PPP2R2B: variants seen among roughly 807,000 people sequenced by gnomAD.
PPP2R2B encodes the protein serine/threonine-protein phosphatase 2A 55 kDa regulatory subunit B beta isoform.
PPP2R2B carries 5 observed loss-of-function variants against 46.0 expected under a neutral mutation model. The observed-to-expected ratio is 0.11, with a 90% confidence interval of 0.06 to 0.23. The LOEUF is 0.23. PPP2R2B is among the 10% of genes least tolerant of loss of function. PPP2R2B has a pLI of 1.00. For missense variants in PPP2R2B, 367 were observed against 575.0 expected (o/e 0.64, Z 3.70); for synonymous variants, 215 against 206.7 (o/e 1.04, Z -0.34).
chr5:146,822,579 C>T (rs1758334085), intron 2 of PPP2R2B, among the ~76,000 whole-genome samples: 1 of 139,212 alleles, frequency 7.2e-6, no homozygotes, highest in South Asian at 2.5e-4. Flanking sequence ...GTCAAGAATA[C>T]TTCTCCATCT....
intron 3 of PPP2R2B, among the ~76,000 whole-genome samples, chr5:146,700,831 C>T (rs759328070): frequency 3.3e-5 from 5 of 152,068 alleles, no homozygotes; most frequent in South Asian, 2.1e-4. Flanking sequence ...AACATCCAGG[C>T]GTAGAAAGAT....
intron 1 of PPP2R2B, among the ~76,000 whole-genome samples, chr5:146,985,031 T>C (rs1362248598): frequency 6.9e-6 from 1 of 145,644 alleles, no homozygotes; most frequent in Non-Finnish European, 1.5e-5. Flanking sequence ...TTTTTTTTTT[T>C]TTTTTTTGAG....
intron 1 of PPP2R2B, chr5:147,040,864 C>T: frequency 2.4e-6 from 1 of 422,586 alleles, no homozygotes; most frequent in Non-Finnish European, 4.6e-6. Flanking sequence ...CTCCCTCAGC[C>T]ATTTAAAAAT....
At chr5:147,027,810 T>C (rs1295560969) in intron 1 of PPP2R2B, among the ~76,000 whole-genome samples, 4 of 152,172 alleles carry the variant, frequency 2.6e-5, no homozygotes. Context: ...GTGCATTTTA[T>C]TGCATATAAA....
At chr5:147,002,624 A>G (rs1754230964) in intron 1 of PPP2R2B, among the ~76,000 whole-genome samples, 1 of 150,684 alleles carries the variant, frequency 6.6e-6, no homozygotes, top group Non-Finnish European at 1.5e-5. Flanking sequence ...TGCATCAGTA[A>G]GGGCCACTAA....
chr5:146,857,285 CTA>C (rs1338901902), intron 2 of PPP2R2B, among the ~76,000 whole-genome samples: 1 of 151,732 alleles, frequency 6.6e-6, no homozygotes, highest in East Asian at 1.9e-4. Context: ...CTACGAGAAA[CTA>C]TGAAAAAGGT....
intron 2 of PPP2R2B, among the ~76,000 whole-genome samples, chr5:146,801,853 A>T (rs148739044): frequency 1.3e-5 from 2 of 152,364 alleles, no homozygotes; most frequent in African/African-American, 4.8e-5. Context: ...TATAATTGCA[A>T]TAACAACTTC....
intron 4 of PPP2R2B, 125 bp from the exon 5 acceptor site, chr5:146,691,365 C>G: frequency 1.4e-6 from 1 of 704,014 alleles, no homozygotes; most frequent in Non-Finnish European, 2.4e-6. Context: ...AGCTGGCTCA[C>G]ATAAACGTTT....
At chr5:146,923,830 T>C (rs1763691300) in intron 1 of PPP2R2B, among the ~76,000 whole-genome samples, 1 of 152,182 alleles carries the variant, frequency 6.6e-6, no homozygotes, top group South Asian at 2.1e-4. Context: ...CAAAGGCCCA[T>C]CAGTGATAGA....
intron 5 of PPP2R2B, among the ~76,000 whole-genome samples, chr5:146,658,586 T>A (rs1776489034): frequency 6.6e-6 from 1 of 152,174 alleles, no homozygotes; most frequent in Non-Finnish European, 1.5e-5. Flanking sequence ...AAGAACTATG[T>A]GAAAAAGTTT....
rs190905613 is a variant in PPP2R2B, at chr5:146,950,861, C to T, written c.79+104804G>A. Among the ~76,000 whole-genome samples, 11 of 152,110 alleles carry T rather than the reference C, an allele frequency of 7.2e-5. No individual in the cohort carries two copies. The East Asian group carries it at 1.9e-3, about 27-fold the overall frequency. On this transcript the variant is annotated intron_variant, in intron 1 of 8. Transcript: ENST00000336640. ...ACAAACAACATAGGTATGCCATTTA[C>T]CAGGTAATTAACAGATATATAAGAA... is the stretch of plus-strand genomic sequence containing the variant.
chr5:147,019,800 G>C (rs1182958029), intron 1 of PPP2R2B, among the ~76,000 whole-genome samples: 1 of 152,132 alleles, frequency 6.6e-6, no homozygotes, highest in African/African-American at 2.4e-5. Flanking sequence ...ACTTAAAGAT[G>C]ATTTAAAATA....
chr5:147,031,719 A>G (rs1297814679), intron 1 of PPP2R2B, among the ~76,000 whole-genome samples: 1 of 152,210 alleles, frequency 6.6e-6, no homozygotes, highest in Non-Finnish European at 1.5e-5. Flanking sequence ...ATGGAAAAGA[A>G]TAAAGAACCA....
intron 2 of PPP2R2B, among the ~76,000 whole-genome samples, chr5:146,798,624 G>A (rs1172270137): frequency 6.6e-6 from 1 of 152,116 alleles, no homozygotes; most frequent in Non-Finnish European, 1.5e-5. Flanking sequence ...TAATCTAACA[G>A]TGCATTAACA....
intron 2 of PPP2R2B, among the ~76,000 whole-genome samples, chr5:146,845,430 C>T (rs1431147349): frequency 6.7e-6 from 1 of 150,208 alleles, no homozygotes; most frequent in African/African-American, 2.5e-5. Context: ...TTTTTTTGCA[C>T]TTTTAGTAGA....
intron 2 of PPP2R2B, among the ~76,000 whole-genome samples, chr5:146,731,424 G>T (rs1322141045): frequency 6.6e-6 from 1 of 152,184 alleles, no homozygotes; most frequent in Non-Finnish European, 1.5e-5. Context: ...TTTTGCAAGA[G>T]ACCTTAACTA....
rs994323947 is a variant in PPP2R2B, at chr5:146,589,549, A to G, written c.*398T>C. On this transcript the variant is annotated 3_prime_UTR_variant, in exon 10 of 10. Coordinates refer to ENST00000394411, the MANE Select transcript of PPP2R2B (RefSeq NM_181675.4). ...GTTTATTTTTTGTTGATTTTTTTCAATCAAATGGAATTGCTTAATTAAAAA... is the reference window on the plus strand; with the variant it reads ...GTTTATTTTTTGTTGATTTTTTTCAGTCAAATGGAATTGCTTAATTAAAAA... 1.9e-5 allele frequency: 3 copies of G among 162,020 alleles called. No homozygotes were observed. Among genetic ancestry groups the G allele is most frequent in the African/African-American group, 7.2e-5 (3 of 41,648 alleles). The allele number at this position is 162,020 out of a possible 1,614,324, so 10.0% of individuals were successfully genotyped here.
chr5:147,012,039 C>CT (rs915339639), intron 1 of PPP2R2B, among the ~76,000 whole-genome samples: 19 of 150,066 alleles, frequency 1.3e-4, no homozygotes, highest in Admixed American at 4.0e-4. Flanking sequence ...CTAAAATTCT[C>CT]TTTTTTTGTT....
chr5:146,774,089 C>A (rs1173735018), intron 2 of PPP2R2B, among the ~76,000 whole-genome samples: 1 of 152,144 alleles, frequency 6.6e-6, no homozygotes, highest in African/African-American at 2.4e-5. Context: ...TTGGACTAAT[C>A]CTAATCAAAA....
Sources: gnomAD v4.1 joint callset for allele counts (sites outside exome capture counted in the v4.1 genomes callset) on GRCh38, gnomAD v4.1.1 for gene constraint, MANE v1.5 for transcripts, NCBI Gene and HGNC (gene_info 2026-07-23, HGNC 2026-07-21) for gene names.